NTRK2: variants seen among roughly 807,000 people sequenced by gnomAD.
The protein encoded by NTRK2 is neurotrophic receptor tyrosine kinase 2.
A neutral mutation model predicts 94.5 loss-of-function variants in NTRK2; 13 were observed. That is an observed-to-expected ratio of 0.14 (90% confidence interval 0.09 to 0.22). The LOEUF (loss-of-function observed/expected upper bound fraction) is 0.22. Ranked by LOEUF, NTRK2 falls within the 10% of genes least tolerant of loss-of-function variation. The pLI, the probability that NTRK2 is intolerant of heterozygous loss-of-function variation, is 1.00. For missense variants in NTRK2, 639 were observed against 1,071.2 expected (o/e 0.60, Z 5.63); for synonymous variants, 372 against 407.4 (o/e 0.91, Z 1.05).
At chr9:84,895,262 G>A (rs2094440450) in intron 14 of NTRK2, among the ~76,000 whole-genome samples, 1 of 152,220 alleles carries the variant, frequency 6.6e-6, no homozygotes, top group African/African-American at 2.4e-5. Context: ...TGGAGATGCT[G>A]CTTGGATGTG....
intron 14 of NTRK2, among the ~76,000 whole-genome samples, chr9:84,887,826 C>G (rs2076464393): frequency 6.6e-6 from 1 of 152,164 alleles, no homozygotes; most frequent in Non-Finnish European, 1.5e-5. Context: ...TGGGAAACTA[C>G]AAAAGGGCTG....
In NTRK2 at chr9:84,685,642, A is replaced by G. The variant is rs200034111; in HGVS notation, c.212+14682A>G. On this transcript the variant is annotated intron_variant, in intron 2 of 18. Coordinates refer to ENST00000277120, the MANE Select transcript of NTRK2 (RefSeq NM_006180.6). ...CTCTACCTTTGTTTGATGCCATGAT[A>G]CAGCCACTCTGAGTTTTCAATTTAT... is the stretch of plus-strand genomic sequence containing the variant. Among the ~76,000 whole-genome samples the G allele has an allele frequency of 2.6e-5, 4 of 152,292 alleles. No homozygotes were observed. The East Asian group carries it at 5.8e-4, about 22-fold the overall frequency.
At chr9:84,908,145 A>C (rs2077130888) in intron 14 of NTRK2, among the ~76,000 whole-genome samples, 1 of 152,358 alleles carries the variant, frequency 6.6e-6, no homozygotes, top group East Asian at 1.9e-4. Context: ...CTTCAAACAA[A>C]GGAGTCTGTT....
intron 14 of NTRK2, among the ~76,000 whole-genome samples, chr9:84,906,982 T>C (rs1053760016): frequency 6.6e-6 from 1 of 152,252 alleles, no homozygotes. Context: ...TAACCAATTA[T>C]GTAATTCAAA....
intron 14 of NTRK2, among the ~76,000 whole-genome samples, chr9:84,894,924 G>A (rs1472468556): frequency 1.3e-5 from 2 of 152,008 alleles, no homozygotes; most frequent in African/African-American, 4.8e-5. Context: ...GGGCTCAGCT[G>A]GAACAAAATC....
chr9:84,812,296 C>T (rs968079328), intron 12 of NTRK2: 1 of 1,056,916 alleles, frequency 9.5e-7, no homozygotes, highest in Non-Finnish European at 1.1e-6. Flanking sequence ...TGATGAAGAC[C>T]TTTCACAGAA....
rs73651125 is a variant in NTRK2, at chr9:84,835,539, G to C, written c.1397-25501G>C. Among the ~76,000 whole-genome samples, 88 of 115,818 alleles carry C rather than the reference G, an allele frequency of 7.6e-4. 1 individual carries two copies. Among genetic ancestry groups the C allele is most frequent in the African/African-American group, 2.6e-3 (64 of 24,822 alleles). The allele number at this position is 115,818 out of a possible 152,430, so 76.0% of individuals were successfully genotyped here. Reference sequence around the variant, plus strand: ...GAGATAACAACAACAAGAACAACAAGAACAACAACAACAACAACAAAAATG... The same window carrying C: ...GAGATAACAACAACAAGAACAACAACAACAACAACAACAACAACAAAAATG... On this transcript the variant is annotated intron_variant, in intron 12 of 18. Transcript: ENST00000277120.
At chr9:84,852,866 T>C (rs1481108956) in intron 12 of NTRK2, among the ~76,000 whole-genome samples, 6 of 152,358 alleles carry the variant, frequency 3.9e-5, no homozygotes, top group Admixed American at 1.3e-4. Context: ...TTCTGAACTT[T>C]ATGGGATGTA....
chr9:84,710,124 ATTCACAATTTAGTCTTAGC>A, intron 5 of NTRK2, among the ~76,000 whole-genome samples: 1 of 152,224 alleles, frequency 6.6e-6, no homozygotes, highest in East Asian at 1.9e-4. Flanking sequence ...GCCTTCTGGC[ATTCACAATTTAGTCTTAGC>A]TTTGTACTTA....
In NTRK2 at chr9:85,023,559, G is replaced by A. The variant is rs1832888262; in HGVS notation, c.*2122G>A. 4.3e-6 allele frequency: 1 copy of A among 230,974 alleles called. No homozygotes were observed. The highest frequency in any genetic ancestry group is 1.8e-4 in the South Asian group (1 of 5,508). 14.3% of individuals were successfully genotyped at this position (230,974 alleles called of 1,614,324 possible). On this transcript the variant is annotated 3_prime_UTR_variant, in exon 19 of 19. Transcript: ENST00000277120. The stretch of plus-strand genomic sequence containing the variant: ...ATATGCTGGCCTATGAGAGATGAGA[G>A]TTGGGTCGTTTGTTCTCTTTGTTGA...
intron 17 of NTRK2, 51 bp downstream of exon 17, chr9:84,955,568 C>T: frequency 6.9e-7 from 1 of 1,441,012 alleles, no homozygotes; most frequent in Non-Finnish European, 9.7e-7. Flanking sequence ...CCCTGCGGGA[C>T]CCCTGCTGTA....
chr9:84,948,758 C>T, intron 16 of NTRK2, 124 bp downstream of exon 16: 5 of 767,026 alleles, frequency 6.5e-6, no homozygotes, highest in Non-Finnish European at 1.1e-5. Flanking sequence ...TTGATAATGA[C>T]ACCAGCATAT....
intron 15 of NTRK2, among the ~76,000 whole-genome samples, chr9:84,941,856 T>A (rs2078420631): frequency 6.6e-6 from 1 of 152,230 alleles, no homozygotes; most frequent in Non-Finnish European, 1.5e-5. Context: ...AAACCATCTA[T>A]TTTATCCACC....
At position 84,866,756 on chromosome 9, in the gene NTRK2, G is replaced by A. The variant is rs147358671; in HGVS notation, c.1445-487G>A. Among the ~76,000 whole-genome samples the A allele has an allele frequency of 2.6e-4, 40 of 152,194 alleles. No individual in the cohort carries two copies. In the East Asian group the frequency reaches 5.4e-3, roughly 21 times the overall value. On this transcript the variant is annotated intron_variant, in intron 13 of 18. Transcript: ENST00000277120. ...AAAACACGTGTCCACATAAAAATTC[G>A]TATATGAATGTTCATAGTAGCATTA...
intron 14 of NTRK2, among the ~76,000 whole-genome samples, chr9:84,891,461 TA>T (rs758296058): frequency 3.9e-5 from 6 of 152,148 alleles, no homozygotes; most frequent in Admixed American, 6.5e-5. Context: ...ATATGTGTTA[TA>T]AAAATATATT....
intron 12 of NTRK2, among the ~76,000 whole-genome samples, chr9:84,798,587 G>T (rs894145869): frequency 6.6e-6 from 1 of 152,142 alleles, no homozygotes; most frequent in East Asian, 1.9e-4. Flanking sequence ...GTGAAAGGGT[G>T]ATATTGACTG....
At chr9:84,811,808 A>G in intron 12 of NTRK2, 2 of 1,065,510 alleles carry the variant, frequency 1.9e-6, no homozygotes, top group Non-Finnish European at 2.3e-6. Flanking sequence ...TGACCCATGG[A>G]CACCTGTTTC....
At chr9:85,019,185 G>A (rs1375091241) in intron 17 of NTRK2, among the ~76,000 whole-genome samples, 1 of 152,070 alleles carries the variant, frequency 6.6e-6, no homozygotes, top group Non-Finnish European at 1.5e-5. Flanking sequence ...TTAGAATTGG[G>A]CAGAAACTCT....
chr9:84,861,989 G>A lies in NTRK2; in HGVS notation c.1444+902G>A, dbSNP rs75820440. Among the ~76,000 whole-genome samples the A allele has an allele frequency of 4.7e-3, 711 of 152,216 alleles. 13 individuals carry two copies. Among genetic ancestry groups the A allele is most frequent in the Admixed American group, 0.038 (577 of 15,278 alleles). On this transcript the variant is annotated intron_variant, in intron 13 of 18. Coordinates refer to ENST00000277120, the MANE Select transcript of NTRK2 (RefSeq NM_006180.6). ...GTTTCCTGTCACTTTCCATCCTGACGTCAGACCTTGTCTTGTTGGGCAGTC... is the reference window on the plus strand; with the variant it reads ...GTTTCCTGTCACTTTCCATCCTGACATCAGACCTTGTCTTGTTGGGCAGTC...
Sources: gnomAD v4.1 joint callset for allele counts (sites outside exome capture counted in the v4.1 genomes callset) on GRCh38, gnomAD v4.1.1 for gene constraint, MANE v1.5 for transcripts, NCBI Gene and HGNC (gene_info 2026-07-23, HGNC 2026-07-21) for gene names.